MYCBP2: variants seen among roughly 807,000 people sequenced by gnomAD.
The protein encoded by MYCBP2 is E3 ubiquitin-protein ligase MYCBP2.
A neutral mutation model predicts 525.3 loss-of-function variants in MYCBP2; 120 were observed. That is an observed-to-expected ratio of 0.23 (90% CI 0.20 to 0.27). The LOEUF is 0.27. Ranked by LOEUF, MYCBP2 falls within the 10% of genes least tolerant of loss-of-function variation. The pLI, the probability that MYCBP2 is intolerant of heterozygous loss-of-function variation, is 1.00. For synonymous variants in MYCBP2, 1,894 were observed against 1,955.8 expected, an observed-to-expected ratio of 0.97 and a Z score of 0.83; for missense variants, 4,149 against 5,657.1, an observed-to-expected ratio of 0.73 and a Z score of 8.55.
At chr13:77,187,858 G>A (rs770343137) in intron 30 of MYCBP2, among the ~76,000 whole-genome samples, 2 of 151,884 alleles carry the variant, frequency 1.3e-5, no homozygotes, top group African/African-American at 2.4e-5. Context: ...CAGCCTGTTC[G>A]AGGTCAGGGG....
intron 23 of MYCBP2, 48 bp from the exon 24 acceptor site, chr13:77,206,873 T>TA (rs2063404757): frequency 1.6e-5 from 23 of 1,447,244 alleles, no homozygotes; most frequent in Admixed American, 1.0e-4. Context: ...GTTTTGTTTT[T>TA]AAAAAAAATT....
Position 77,044,712 on chromosome 13 carries a change from A to G in MYCBP2, c.*666T>C. The G allele has an allele frequency of 7.5e-6, 3 of 398,738 alleles. No homozygotes were observed. The highest frequency in any genetic ancestry group is 1.3e-5 in the Non-Finnish European group (3 of 225,942). The allele number at this position is 398,738 out of a possible 1,614,324, so 24.7% of individuals were successfully genotyped here. A position where few individuals can be genotyped will look rare whatever the true frequency, so the allele number is the denominator to read the frequency against. On this transcript the variant is annotated 3_prime_UTR_variant, in exon 83 of 83. Coordinates refer to ENST00000544440, the MANE Select transcript of MYCBP2 (RefSeq NM_015057.5). ...TGGTTTTATTGACATGTACATTCCA[A>G]TATGTTTACAGCTGCAAGATAATGA...
chr13:77,069,222 A>G (rs971362816), intron 69 of MYCBP2, among the ~76,000 whole-genome samples: 64 of 152,364 alleles, frequency 4.2e-4, no homozygotes, highest in African/African-American at 1.5e-3. Context: ...GAAATTATAC[A>G]TGACATTTTA....
At chr13:77,256,798 C>A (rs887497663) in intron 14 of MYCBP2, among the ~76,000 whole-genome samples, 3 of 151,892 alleles carry the variant, frequency 2.0e-5, no homozygotes, top group Admixed American at 1.3e-4. Flanking sequence ...AAATTTAGTA[C>A]AGCCACTCTG....
intron 70 of MYCBP2, 70 bp downstream of exon 70, chr13:77,068,495 T>G (rs2040576493): frequency 6.4e-7 from 1 of 1,551,426 alleles, no homozygotes; most frequent in Non-Finnish European, 8.7e-7. Flanking sequence ...GATAATTCTC[T>G]TTGCATTGCA....
intron 49 of MYCBP2, among the ~76,000 whole-genome samples, chr13:77,142,475 T>G (rs1319546542): frequency 6.6e-6 from 1 of 152,226 alleles, no homozygotes. Flanking sequence ...GAACATACAA[T>G]TACATCAATG....
chr13:77,063,197 A>C (rs146312878), intron 73 of MYCBP2, among the ~76,000 whole-genome samples: 27 of 152,276 alleles, frequency 1.8e-4, no homozygotes, highest in Non-Finnish European at 3.7e-4. Context: ...TGCCCCAGAA[A>C]GCCTAATACT....
At chr13:77,067,893 C>T (rs1594189415) in intron 70 of MYCBP2, 29 bp from the exon 71 acceptor site, 3 of 1,575,330 alleles carry the variant, frequency 1.9e-6, no homozygotes, top group Non-Finnish European at 2.6e-6. Flanking sequence ...TGAGAGAATT[C>T]CATGTAAAGA....
intron 55 of MYCBP2, among the ~76,000 whole-genome samples, chr13:77,108,406 G>C (rs947771423): frequency 3.3e-5 from 5 of 152,238 alleles, no homozygotes; most frequent in Non-Finnish European, 5.9e-5. Context: ...GCCTTAGAAA[G>C]AATAACTTCA....
At chr13:77,142,457 A>G (rs2054835307) in intron 49 of MYCBP2, among the ~76,000 whole-genome samples, 1 of 152,366 alleles carries the variant, frequency 6.6e-6, no homozygotes, top group African/African-American at 2.4e-5. Context: ...AGTTACATTA[A>G]TGTATGAGAA....
In MYCBP2 at chr13:77,106,015, G is replaced by A. The variant is rs138344561; in HGVS notation, c.8141-7002C>T. Among the ~76,000 whole-genome samples, 1,009 of 152,120 alleles carry A rather than the reference G, an allele frequency of 6.6e-3. 3 individuals are homozygous for A. The highest frequency in any genetic ancestry group is 0.011 in the Non-Finnish European group (738 of 67,984). ...AAGTACTGATGATAATAATAAAACC[G>A]TGTAACTTTTCTTTCCAATAAGGAA... On this transcript the variant is annotated intron_variant, in intron 55 of 82. Coordinates refer to ENST00000544440, the MANE Select transcript of MYCBP2 (RefSeq NM_015057.5).
chr13:77,123,024 C>A (rs988696133), intron 54 of MYCBP2, among the ~76,000 whole-genome samples: 1 of 152,192 alleles, frequency 6.6e-6, no homozygotes, highest in Admixed American at 6.5e-5. Flanking sequence ...GTTTTTACCA[C>A]AGCAGTAACT....
At chr13:77,152,407 AG>A (rs1354506731) in intron 46 of MYCBP2, among the ~76,000 whole-genome samples, 1 of 152,244 alleles carries the variant, frequency 6.6e-6, no homozygotes, top group African/African-American at 2.4e-5. Context: ...TACAGACAGG[AG>A]TCAGGGATAT....
intron 26 of MYCBP2, among the ~76,000 whole-genome samples, chr13:77,199,027 G>C (rs147596695): frequency 1.1e-4 from 17 of 152,104 alleles, no homozygotes; most frequent in East Asian, 3.9e-4. Context: ...ATTACTGTAG[G>C]GGGGGAGGAG....
chr13:77,206,303 A>C (rs2063330414), intron 24 of MYCBP2, among the ~76,000 whole-genome samples: 1 of 150,540 alleles, frequency 6.6e-6, no homozygotes, highest in Non-Finnish European at 1.5e-5. Flanking sequence ...AATTCATTAC[A>C]TTTTATAGAA....
chr13:77,256,554 A>T (rs1048871608), intron 14 of MYCBP2, among the ~76,000 whole-genome samples: 3 of 152,110 alleles, frequency 2.0e-5, no homozygotes, highest in Non-Finnish European at 4.4e-5. Context: ...AAATCCAATT[A>T]AAAAATGTGA....
chr13:77,098,716 G>C lies in MYCBP2; in HGVS notation c.8438C>G (p.Pro2813Arg), dbSNP rs1469351680. 6.2e-7 allele frequency: 1 copy of C among 1,613,336 alleles called. No individual in the cohort carries two copies. Among genetic ancestry groups the C allele is most frequent in the East Asian group, 2.2e-5 (1 of 44,866 alleles). The part of the protein sequence containing the change: ...RMPSSSRAES[P>R]GPGSRLSSPK... Reference sequence around the variant, plus strand: ...AGATGACAACCGAGAACCTGGTCCTGGGGATTCAGCTCTGGAGCTAGAAGG... The same window carrying C: ...AGATGACAACCGAGAACCTGGTCCTCGGGATTCAGCTCTGGAGCTAGAAGG... Residue 2813 changes from proline to arginine, a missense_variant, in exon 56 of 83, where the codon CCA (proline) becomes CGA (arginine). By Grantham distance (103) the Pro-to-Arg change is moderately radical. This residue lies in a region of MYCBP2 where 653 missense variants were observed against 744.7 expected (regional missense o/e 0.88). Transcript: ENST00000544440.
At chr13:77,252,832 A>G (rs921328085) in intron 14 of MYCBP2, among the ~76,000 whole-genome samples, 1 of 152,140 alleles carries the variant, frequency 6.6e-6, no homozygotes, top group African/African-American at 2.4e-5. Flanking sequence ...ACTATTTTCA[A>G]TAATCATAGC....
At chr13:77,233,539 T>C (rs1400332059) in intron 17 of MYCBP2, among the ~76,000 whole-genome samples, 1 of 150,902 alleles carries the variant, frequency 6.6e-6, no homozygotes, top group Non-Finnish European at 1.5e-5. Flanking sequence ...TAGTCTCAAA[T>C]AGATAATCAA....
Sources: gnomAD v4.1 joint callset for allele counts (sites outside exome capture counted in the v4.1 genomes callset) on GRCh38, gnomAD v4.1.1 for gene constraint, gnomAD v4.1.1 regional missense constraint, MANE v1.5 for transcripts, NCBI Gene and HGNC (gene_info 2026-07-23, HGNC 2026-07-21) for gene names.